KIF1A: variants seen among roughly 807,000 people sequenced by gnomAD.
KIF1A encodes the protein kinesin family member 1A.
In KIF1A, 46 loss-of-function variants were observed where a neutral mutation model predicts 227.3. That is an observed-to-expected ratio of 0.20 (90% CI 0.16 to 0.26). The LOEUF (loss-of-function observed/expected upper bound fraction) is 0.26. KIF1A is among the 10% of genes least tolerant of loss of function. KIF1A has a pLI of 1.00. For missense variants in KIF1A, 1,683 were observed against 2,485.9 expected (o/e 0.68, Z 6.87); for synonymous variants, 1,022 against 1,012.8 (o/e 1.01, Z -0.17).
intron 48 of KIF1A, among the ~76,000 whole-genome samples, chr2:240,717,728 T>C (rs2044728395): frequency 1.3e-5 from 2 of 152,214 alleles, no homozygotes. Flanking sequence ...GCCTGGGATT[T>C]ATCACTCCAC....
chr2:240,765,873 G>A, intron 19 of KIF1A, 80 bp from the exon 20 acceptor site: 1 of 986,784 alleles, frequency 1.0e-6, no homozygotes. Context: ...CTGGCCCCCG[G>A]GCATGGCCTC....
chr2:240,728,346 G>A (rs1248165363), intron 38 of KIF1A: 1 of 1,234,232 alleles, frequency 8.1e-7, no homozygotes, highest in Non-Finnish European at 1.1e-6. Flanking sequence ...AAGAGCAGAA[G>A]AGGACAGACC....
rs560020261 is a variant in KIF1A at position 240,746,756 on chromosome 2, T to C, written c.3063+480A>G. ...CTCTCTCAAGAGCAGAAGAGGAGAC[T>C]GAGTGGTCCAGGTGCCACTGGACAC... is the stretch of plus-strand genomic sequence containing the variant. On this transcript the variant is annotated intron_variant, in intron 29 of 48. Transcript: ENST00000498729. Among the ~76,000 whole-genome samples the C allele has an allele frequency of 1.6e-4, 25 of 152,314 alleles. No homozygotes were observed. The South Asian group carries it at 4.8e-3, about 29-fold the overall frequency.
At chr2:240,761,006 C>A (rs958064886) in intron 24 of KIF1A, among the ~76,000 whole-genome samples, 163 bp from the exon 25 acceptor site, 14 of 152,238 alleles carry the variant, frequency 9.2e-5, no homozygotes, top group Admixed American at 8.5e-4. Context: ...TACTTCCTGC[C>A]TGCCCACCCG....
chr2:240,724,262 G>A (rs1030582402), intron 40 of KIF1A: 1 of 580,714 alleles, frequency 1.7e-6, no homozygotes, highest in African/African-American at 1.9e-5. Context: ...GGTGCCCATG[G>A]GGCTGTGACG....
intron 38 of KIF1A, among the ~76,000 whole-genome samples, chr2:240,735,779 C>T (rs1013549924): frequency 6.6e-5 from 10 of 152,288 alleles, no homozygotes; most frequent in Admixed American, 2.0e-4. Context: ...CCCCAAGCCC[C>T]GGCCCGTCCC....
Position 240,805,940 on chromosome 2 carries a change from A to C in KIF1A, c.-60-8128T>G, listed in dbSNP as rs917698328. Among the ~76,000 whole-genome samples the C allele has an allele frequency of 2.0e-5, 3 of 152,244 alleles. No homozygotes were observed. In the South Asian group the frequency reaches 6.2e-4, roughly 32 times the overall value. On this transcript the variant is annotated intron_variant, in intron 1 of 48. Transcript: ENST00000498729. ...ATGGAAATGAAAACACTAATAGCAAAACATGGAGTTTTCATGTCCAGCCAT... is the reference window on the plus strand; with the variant it reads ...ATGGAAATGAAAACACTAATAGCAACACATGGAGTTTTCATGTCCAGCCAT...
In KIF1A at chr2:240,750,422, C is replaced by A; in HGVS notation, c.2977+7G>T. 1 of 1,607,892 alleles carries A rather than the reference C, an allele frequency of 6.2e-7. No homozygotes were observed. The highest frequency in any genetic ancestry group is 8.5e-7 in the Non-Finnish European group (1 of 1,174,688). ...AATGCCACACACGGCCTTTGGCCCACACGCACCTGAGATGGCCTGGACGGC... is the reference window on the plus strand; with the variant it reads ...AATGCCACACACGGCCTTTGGCCCAAACGCACCTGAGATGGCCTGGACGGC... On this transcript the variant is annotated splice_region_variant and intron_variant, in intron 28 of 48. Transcript: ENST00000498729.
rs916324800 is a variant in KIF1A at position 240,788,256 on chromosome 2, T to G, written c.184-26A>C. Reference sequence around the variant, plus strand: ...CTGGAGGACGAGGAAGGAATGAAGTTGCAGGAGGCTGGGTGCATCCGAGGC... The same window carrying G: ...CTGGAGGACGAGGAAGGAATGAAGTGGCAGGAGGCTGGGTGCATCCGAGGC... On this transcript the variant is annotated intron_variant, in intron 3 of 48. Coordinates refer to ENST00000498729, the MANE Select transcript of KIF1A (RefSeq NM_001244008.2). This position sits in a 1 kb window ranked among gnomAD's most constrained non-coding sequence, Gnocchi z 6.6. The G allele has an allele frequency of 6.8e-6, 11 of 1,610,382 alleles. No homozygotes were observed. The highest frequency in any genetic ancestry group is 9.3e-6 in the Non-Finnish European group (11 of 1,178,044).
Position 240,736,062 on chromosome 2 carries a change from CAGTG to C in KIF1A, c.4007+997_4007+1000del, listed in dbSNP as rs2047284575. 6.6e-6 allele frequency among the ~76,000 whole-genome samples: 1 copy of C among 151,914 alleles called. No individual in the cohort carries two copies. The highest frequency in any genetic ancestry group is 2.4e-5 in the African/African-American group (1 of 41,408). On this transcript the variant is annotated intron_variant, in intron 38 of 48. Coordinates refer to ENST00000498729, the MANE Select transcript of KIF1A (RefSeq NM_001244008.2). This position sits in a 1 kb window ranked among gnomAD's most constrained non-coding sequence, Gnocchi z 4.7. ...TGCCCCTGCAGTGCCCTCCTTACTG[CAGTG>C]CTAAGCCCCGATAGCCCACTTTCTG...
rs2054752753 is a variant in KIF1A at position 240,786,397 on chromosome 2, G to A, written c.546C>T (p.Ser182=). 1.2e-6 allele frequency: 2 copies of A among 1,613,592 alleles called. No homozygotes were observed. The highest frequency in any genetic ancestry group is 1.7e-6 in the Non-Finnish European group (2 of 1,179,792). Reference sequence around the variant, plus strand: ...CATTGTAGGAGGTGACAGCCAGCTTGGAGAGGTCCTCCACGTAGGGCCCCA... The same window carrying A: ...CATTGTAGGAGGTGACAGCCAGCTTAGAGAGGTCCTCCACGTAGGGCCCCA... ...PLLGPYVEDL[S]KLAVTSYNDI... The change falls in exon 6 of 49, where the codon TCC becomes TCT. Residue 182 remains serine, a synonymous_variant. Transcript: ENST00000498729.
Position 240,763,364 on chromosome 2 carries a change from A to T in KIF1A, c.1769-18T>A. On this transcript the variant is annotated intron_variant, in intron 20 of 48. Coordinates refer to ENST00000498729, the MANE Select transcript of KIF1A (RefSeq NM_001244008.2). ...GCGGTTTCCTGGGGAACAGAGGGAC[A>T]GGTGGCCTTGAGGGATGGGGATCTT... is the stretch of plus-strand genomic sequence containing the variant. The T allele has an allele frequency of 6.4e-7, 1 of 1,556,326 alleles. No homozygotes were observed. The highest frequency in any genetic ancestry group is 8.7e-7 in the Non-Finnish European group (1 of 1,151,168).
At position 240,719,509 on chromosome 2, in the gene KIF1A, G is replaced by A. The variant is rs145119925; in HGVS notation, c.5021+265C>T. Among the ~76,000 whole-genome samples, 854 of 152,304 alleles carry A rather than the reference G, an allele frequency of 5.6e-3. 8 individuals are homozygous for A. The highest frequency in any genetic ancestry group is 0.02 in the African/African-American group (824 of 41,576). On this transcript the variant is annotated intron_variant, in intron 46 of 48. Coordinates refer to ENST00000498729, the MANE Select transcript of KIF1A (RefSeq NM_001244008.2). ...AGTTCCCCACCTGGGCCTTGGCTCT[G>A]ACCCCACCCACTCCCCTGTGCTCTG...
intron 38 of KIF1A, among the ~76,000 whole-genome samples, chr2:240,732,010 G>GAA: frequency 9.1e-6 from 1 of 110,174 alleles, no homozygotes; most frequent in African/African-American, 3.5e-5. Context: ...GGGATGACGG[G>GAA]AGGAGGGAAT....
At chr2:240,800,717 G>A (rs2056893309) in intron 1 of KIF1A, among the ~76,000 whole-genome samples, 1 of 152,172 alleles carries the variant, frequency 6.6e-6, no homozygotes, top group African/African-American at 2.4e-5. Context: ...TATGAGAGGT[G>A]AGATTTTAAA....
At chr2:240,745,560 G>A (rs2048493089) in intron 31 of KIF1A, 43 bp from the exon 32 acceptor site, 1 of 1,549,500 alleles carries the variant, frequency 6.5e-7, no homozygotes, top group African/African-American at 1.4e-5. Flanking sequence ...TGGGGGACTT[G>A]GGATGAGACC....
At chr2:240,727,372 A>AG (rs2046140769) in intron 38 of KIF1A, among the ~76,000 whole-genome samples, 1 of 152,242 alleles carries the variant, frequency 6.6e-6, no homozygotes, top group East Asian at 1.9e-4. Context: ...GGACAGAGGC[A>AG]GGGAGGGAGA....
intron 38 of KIF1A, among the ~76,000 whole-genome samples, chr2:240,734,313 G>C (rs2047074847): frequency 6.6e-6 from 1 of 152,190 alleles, no homozygotes; most frequent in Non-Finnish European, 1.5e-5. Flanking sequence ...TCACAGGGTG[G>C]TGCAGCCAAG....
chr2:240,779,170 CCACA>C, intron 10 of KIF1A, among the ~76,000 whole-genome samples: 1 of 146,514 alleles, frequency 6.8e-6, no homozygotes, highest in East Asian at 2.0e-4. Context: ...ACACTCAGTT[CCACA>C]CTCAGTCCCT....
Sources: gnomAD v4.1 joint callset for allele counts (sites outside exome capture counted in the v4.1 genomes callset) on GRCh38, gnomAD v4.1.1 for gene constraint, Gnocchi (gnomAD v3.1) non-coding constraint, MANE v1.5 for transcripts, NCBI Gene and HGNC (gene_info 2026-07-23, HGNC 2026-07-21) for gene names.